NCOA1: variants seen among roughly 807,000 people sequenced by gnomAD.
NCOA1 encodes the protein nuclear receptor coactivator 1, also known as Hin-2 protein.
Under a neutral mutation model 150.9 loss-of-function variants are expected in NCOA1, and 35 were observed. The observed-to-expected ratio is 0.23, with a 90% CI of 0.18 to 0.31. The LOEUF (loss-of-function observed/expected upper bound fraction) is 0.31, where lower values mean the gene tolerates loss of function less well. Among genes scored for constraint, NCOA1 ranks in the 10% least tolerant of loss-of-function variants. The pLI is 1.00. For missense variants in NCOA1, 1,491 were observed against 1,749.3 expected, an observed-to-expected ratio of 0.85 and a Z score of 2.63; for synonymous variants, 590 against 630.0, an observed-to-expected ratio of 0.94 and a Z score of 0.95.
chr2:24,674,390 T>C (rs1218276423), intron 7 of NCOA1, among the ~76,000 whole-genome samples: 2 of 152,068 alleles, frequency 1.3e-5, no homozygotes, highest in Non-Finnish European at 2.9e-5. Flanking sequence ...GTATTTTTAG[T>C]AGAGACGGTG....
chr2:24,763,608 C>T (rs1664899134), intron 22 of NCOA1, among the ~76,000 whole-genome samples: 1 of 132,218 alleles, frequency 7.6e-6, no homozygotes. Context: ...GAACTTTGGT[C>T]TCTCTCTCTT....
chr2:24,721,640 G>A (rs935924333), intron 14 of NCOA1, among the ~76,000 whole-genome samples: 3 of 152,218 alleles, frequency 2.0e-5, no homozygotes, highest in African/African-American at 7.2e-5. Flanking sequence ...GCTCACAATT[G>A]TAATCCCATG....
intron 6 of NCOA1, among the ~76,000 whole-genome samples, chr2:24,668,029 C>T (rs1377349525): frequency 2.0e-5 from 3 of 152,140 alleles, no homozygotes; most frequent in Admixed American, 6.5e-5. Context: ...TGTTTGTTCA[C>T]GACTATATCC....
chr2:24,607,572 C>T (rs1668428060), intron 3 of NCOA1, among the ~76,000 whole-genome samples: 1 of 150,950 alleles, frequency 6.6e-6, no homozygotes. Flanking sequence ...TGCCTGTAGT[C>T]CCAGCTACTC....
At chr2:24,765,454 G>A (rs867598357) in intron 22 of NCOA1, among the ~76,000 whole-genome samples, 20 of 150,950 alleles carry the variant, frequency 1.3e-4, no homozygotes, top group Middle Eastern at 3.5e-3. Flanking sequence ...AGCCGAGATC[G>A]TGCCACTGCA....
At chr2:24,742,631 T>G (rs957199160) in intron 19 of NCOA1, among the ~76,000 whole-genome samples, 10 of 149,226 alleles carry the variant, frequency 6.7e-5, no homozygotes, top group South Asian at 6.3e-4. Flanking sequence ...TAATTTTTGT[T>G]TTTTTTTTTT....
intron 6 of NCOA1, among the ~76,000 whole-genome samples, chr2:24,667,737 GC>G (rs1671495776): frequency 6.6e-6 from 1 of 152,032 alleles, no homozygotes; most frequent in African/African-American, 2.4e-5. Context: ...GGCACACTCT[GC>G]CCCTGCTATT....
chr2:24,722,970 G>A (rs1240256580), intron 14 of NCOA1, among the ~76,000 whole-genome samples: 1 of 109,790 alleles, frequency 9.1e-6, no homozygotes, highest in Non-Finnish European at 1.7e-5. Flanking sequence ...CAGCCTGGGC[G>A]ACAGTGAGAC....
intron 19 of NCOA1, among the ~76,000 whole-genome samples, chr2:24,747,821 T>A (rs1171683305): frequency 6.1e-5 from 9 of 148,046 alleles, no homozygotes; most frequent in Non-Finnish European, 1.3e-4. Flanking sequence ...AAAAAAAAAA[T>A]GGATGCTGGG....
At chr2:24,553,873 G>A (rs1320178291) in intron 1 of NCOA1, among the ~76,000 whole-genome samples, 1 of 152,170 alleles carries the variant, frequency 6.6e-6, no homozygotes, top group African/African-American at 2.4e-5. Context: ...TTCATTAAAT[G>A]TTTAGTAGAA....
At chr2:24,627,384 C>T (rs1669477750) in intron 3 of NCOA1, among the ~76,000 whole-genome samples, 1 of 152,052 alleles carries the variant, frequency 6.6e-6, no homozygotes, top group Non-Finnish European at 1.5e-5. Flanking sequence ...AATCTAAATA[C>T]TTGGAAACAA....
At chr2:24,639,499 G>GT (rs1670082133) in intron 3 of NCOA1, among the ~76,000 whole-genome samples, 1 of 151,392 alleles carries the variant, frequency 6.6e-6, no homozygotes, top group Non-Finnish European at 1.5e-5. Context: ...TTTAGCTTTA[G>GT]TTTTTTTCAG....
chr2:24,654,281 G>A (rs992495573), intron 4 of NCOA1, among the ~76,000 whole-genome samples: 2 of 152,104 alleles, frequency 1.3e-5, no homozygotes, highest in African/African-American at 4.8e-5. Flanking sequence ...TGTAAATTTT[G>A]CAAAGGCCAA....
At chr2:24,518,228 A>G (rs1259719948) in intron 1 of NCOA1, among the ~76,000 whole-genome samples, 4 of 152,170 alleles carry the variant, frequency 2.6e-5, no homozygotes, top group African/African-American at 9.6e-5. Flanking sequence ...CTAAAAAGGA[A>G]AAAAATATGA....
intron 1 of NCOA1, among the ~76,000 whole-genome samples, chr2:24,505,431 G>C (rs544965135): frequency 5.7e-4 from 87 of 152,110 alleles, no homozygotes; most frequent in Middle Eastern, 3.4e-3. Flanking sequence ...CACCTGCCTC[G>C]GTCTCCCGAA....
intron 16 of NCOA1, 74 bp downstream of exon 16, chr2:24,728,550 A>G: frequency 7.4e-7 from 1 of 1,343,262 alleles, no homozygotes; most frequent in Non-Finnish European, 1.0e-6. Context: ...GCAAGATTTT[A>G]AAGTATTGTA....
chr2:24,745,648 T>A (rs1280319153), intron 19 of NCOA1, among the ~76,000 whole-genome samples: 1 of 152,176 alleles, frequency 6.6e-6, no homozygotes, highest in African/African-American at 2.4e-5. Flanking sequence ...TCAGGGACCT[T>A]TACATGCTAG....
Position 24,562,818 on chromosome 2 carries a change from G to A in NCOA1, c.-395-1477G>A, listed in dbSNP as rs73920093. ...GATTTTGAAACTGGAGATAACAAGC[G>A]ACTAGAATGGAGAAAGAGCAGGTAG... On this transcript the variant is annotated intron_variant, in intron 1 of 22. Transcript: ENST00000348332. Among the ~76,000 whole-genome samples the A allele has an allele frequency of 9.1e-3, 1,378 of 152,248 alleles. 26 individuals are homozygous for A. The highest frequency in any genetic ancestry group is 0.031 in the African/African-American group (1,304 of 41,536).
rs548417522 is a variant in NCOA1 at position 24,691,769 on chromosome 2, A to G, written c.712+109A>G. 1.2e-5 allele frequency: 13 copies of G among 1,083,398 alleles called. No homozygotes were observed. In the South Asian group the frequency reaches 1.8e-4, roughly 15 times the overall value. 67.1% of individuals were successfully genotyped at this position (1,083,398 alleles called of 1,614,324 possible). On this transcript the variant is annotated intron_variant, in intron 9 of 22. Coordinates refer to ENST00000348332, the MANE Select transcript of NCOA1 (RefSeq NM_003743.5). ...TTCAGATAGTATTTTTGGTTACTAT[A>G]ATATGTATCATAGTGGCTATTCCAT...
Sources: gnomAD v4.1 joint callset for allele counts (sites outside exome capture counted in the v4.1 genomes callset) on GRCh38, gnomAD v4.1.1 for gene constraint, MANE v1.5 for transcripts, NCBI Gene and HGNC (gene_info 2026-07-23, HGNC 2026-07-21) for gene names.